Variants in MYO6 observed in about 807,000 individuals in gnomAD.
The protein encoded by MYO6 is unconventional myosin-VI.
A neutral mutation model predicts 178.7 loss-of-function variants in MYO6; 74 were observed. The observed-to-expected ratio is 0.41, with a 90% confidence interval of 0.34 to 0.50. MYO6 has a LOEUF of 0.50. Ranked by LOEUF, MYO6 falls within the 20% of genes least tolerant of loss-of-function variation. The pLI, the probability that MYO6 is intolerant of heterozygous loss-of-function variation, is 0.09. For missense variants in MYO6, 1,330 were observed against 1,547.4 expected (o/e 0.86, Z 2.36); for synonymous variants, 477 against 504.6 (o/e 0.95, Z 0.73).
intron 3 of MYO6, among the ~76,000 whole-genome samples, chr6:75,825,474 T>G (rs983315522): frequency 3.9e-5 from 6 of 151,998 alleles, no homozygotes; most frequent in African/African-American, 1.4e-4. Context: ...GCGCCGGTAA[T>G]CCCAACTACT....
intron 23 of MYO6, among the ~76,000 whole-genome samples, chr6:75,883,188 C>A (rs1425454508): frequency 6.6e-6 from 1 of 150,726 alleles, no homozygotes; most frequent in East Asian, 1.9e-4. Flanking sequence ...CCAAAAATTT[C>A]TACATAATTA....
At position 75,910,008 on chromosome 6, in the gene MYO6, G is replaced by T. The variant is rs1322299308; in HGVS notation, c.3412+1381G>T. On this transcript the variant is annotated intron_variant, in intron 32 of 34. Transcript: ENST00000369977. ...ATTAGTGCCAGTTATTGCTCCAGGG[G>T]TGTCAGTCAGAATACAGGACTATGC... 5.9e-5 allele frequency among the ~76,000 whole-genome samples: 9 copies of T among 152,132 alleles called. No individual in the cohort carries two copies. The South Asian group carries it at 1.9e-3, about 32-fold the overall frequency.
At chr6:75,876,572 T>C (rs1777584310) in intron 20 of MYO6, among the ~76,000 whole-genome samples, 1 of 152,234 alleles carries the variant, frequency 6.6e-6, no homozygotes, top group Non-Finnish European at 1.5e-5. Flanking sequence ...ACACCTAGTG[T>C]CCTGGCAAGT....
chr6:75,901,602 T>C (rs1388834834), intron 30 of MYO6, among the ~76,000 whole-genome samples: 2 of 152,194 alleles, frequency 1.3e-5, no homozygotes, highest in African/African-American at 4.8e-5. Flanking sequence ...TGAAGTTGCT[T>C]AGCAGCTTAA....
At chr6:75,863,194 G>A (rs1263441475) in intron 16 of MYO6, among the ~76,000 whole-genome samples, 2 of 152,150 alleles carry the variant, frequency 1.3e-5, no homozygotes, top group Non-Finnish European at 2.9e-5. Context: ...CACATTCCAG[G>A]AGTTGGCACT....
chr6:75,787,267 T>A (rs375872737), intron 1 of MYO6, among the ~76,000 whole-genome samples: 1 of 152,200 alleles, frequency 6.6e-6, no homozygotes, highest in East Asian at 1.9e-4. Flanking sequence ...CCAAGAGCAA[T>A]GTCTACACAA....
At chr6:75,805,450 A>G (rs1769979552) in intron 1 of MYO6, among the ~76,000 whole-genome samples, 1 of 152,196 alleles carries the variant, frequency 6.6e-6, no homozygotes, top group Admixed American at 6.6e-5. Context: ...TTGGAGATGC[A>G]GATAAAAGAG....
chr6:75,880,260 C>A (rs1777905665), intron 22 of MYO6, 140 bp downstream of exon 22: 2 of 703,278 alleles, frequency 2.8e-6, no homozygotes, highest in Non-Finnish European at 4.8e-6. Context: ...ATTTTCCATA[C>A]CATTTCTCAG....
At chr6:75,892,501 T>A in intron 27 of MYO6, 29 bp from the exon 28 acceptor site, 1 of 1,613,950 alleles carries the variant, frequency 6.2e-7, no homozygotes. Context: ...TGAAGAACTC[T>A]TGGTGAAATA....
At chr6:75,820,462 C>T (rs1026746157) in intron 2 of MYO6, among the ~76,000 whole-genome samples, 7 of 152,096 alleles carry the variant, frequency 4.6e-5, no homozygotes, top group Non-Finnish European at 7.4e-5. Context: ...CTCTGCCTCC[C>T]GGGTTTGGGC....
At chr6:75,905,521 G>A (rs971727041) in intron 30 of MYO6, among the ~76,000 whole-genome samples, 1 of 152,220 alleles carries the variant, frequency 6.6e-6, no homozygotes, top group African/African-American at 2.4e-5. Context: ...CTAGGAAAGG[G>A]AACTCCCTGA....
intron 9 of MYO6, among the ~76,000 whole-genome samples, chr6:75,844,176 C>G (rs1330204596): frequency 6.6e-6 from 1 of 152,098 alleles, no homozygotes; most frequent in Admixed American, 6.6e-5. Flanking sequence ...ATGAAGCAAG[C>G]CTTCAATTGT....
intron 6 of MYO6, among the ~76,000 whole-genome samples, chr6:75,834,217 T>G (rs1388165767): frequency 1.3e-5 from 2 of 152,132 alleles, no homozygotes; most frequent in East Asian, 1.9e-4. Flanking sequence ...TTTGTTTGTT[T>G]GTTTGGTTTG....
Position 75,805,022 on chromosome 6 carries a change from T to TATA in MYO6, c.-47-12479_-47-12478insATA, listed in dbSNP as rs869236276. 6.0e-3 allele frequency among the ~76,000 whole-genome samples: 319 copies of TATA among 53,074 alleles called. 1 individual carries two copies. The highest frequency in any genetic ancestry group is 0.025 in the East Asian group (35 of 1,396). The allele number at this position is 53,074 out of a possible 152,430, so 34.8% of individuals were successfully genotyped here. A position where few individuals can be genotyped will look rare whatever the true frequency, so the allele number is the denominator to read the frequency against. ...ACACACATATATATATATATATATATTTTTTTTTTTTTTTTTTTTGAGACA... is the reference window on the plus strand; with the variant it reads ...ACACACATATATATATATATATATATATATTTTTTTTTTTTTTTTTTTGAGACA... On this transcript the variant is annotated intron_variant, in intron 1 of 34. Transcript: ENST00000369977.
intron 9 of MYO6, among the ~76,000 whole-genome samples, chr6:75,843,178 G>T (rs1171563839): frequency 6.6e-6 from 1 of 152,102 alleles, no homozygotes; most frequent in Non-Finnish European, 1.5e-5. Context: ...TAGCCCTCTG[G>T]TTATAATTGA....
At chr6:75,804,336 G>T (rs1462021657) in intron 1 of MYO6, among the ~76,000 whole-genome samples, 1 of 152,194 alleles carries the variant, frequency 6.6e-6, no homozygotes, top group Non-Finnish European at 1.5e-5. Context: ...CTGGATACCA[G>T]GGAAGCTAAT....
chr6:75,919,123 A>AT lies in MYO6; in HGVS notation c.*4111_*4112insT, dbSNP rs1185212586. 1.3e-5 allele frequency: 2 copies of AT among 152,206 alleles called. No homozygotes were observed. The highest frequency in any genetic ancestry group is 2.4e-5 in the African/African-American group (1 of 41,434). The allele number at this position is 152,206 out of a possible 1,614,324, so 9.4% of individuals were successfully genotyped here. On this transcript the variant is annotated 3_prime_UTR_variant, in exon 35 of 35. Coordinates refer to ENST00000369977, the MANE Select transcript of MYO6 (RefSeq NM_004999.4). Reference sequence around the variant, plus strand: ...AACAAGAGCGAAATTCCATCTCAAAAAATAAAATAGATTTAGGGGGTACAA... The same window carrying AT: ...AACAAGAGCGAAATTCCATCTCAAAATAATAAAATAGATTTAGGGGGTACAA...
At chr6:75,777,800 A>G (rs888264059) in intron 1 of MYO6, among the ~76,000 whole-genome samples, 23 of 152,176 alleles carry the variant, frequency 1.5e-4, no homozygotes, top group Admixed American at 5.9e-4. Context: ...AGTTTAGCTT[A>G]TAATACAAAG....
intron 9 of MYO6, among the ~76,000 whole-genome samples, chr6:75,842,692 T>G (rs549063868): frequency 1.3e-5 from 2 of 152,358 alleles, no homozygotes; most frequent in South Asian, 4.1e-4. Context: ...CATTTCTTTT[T>G]TACTATGGTT....
Sources: allele counts gnomAD v4.1 joint callset (sites outside exome capture counted in the v4.1 genomes callset), GRCh38; gene constraint gnomAD v4.1.1; transcripts MANE v1.5; gene names NCBI Gene and HGNC (gene_info 2026-07-23, HGNC 2026-07-21).